The following PDE8B variants were observed in gnomAD, a reference collection of about 807,000 sequenced individuals.
PDE8B encodes phosphodiesterase 8B, also known as high affinity cAMP-specific and IBMX-insensitive 3',5'-cyclic phosphodiesterase 8B.
A neutral mutation model predicts 101.3 loss-of-function variants in PDE8B; 26 were observed. The observed-to-expected ratio is 0.26, with a 90% CI of 0.19 to 0.36. The LOEUF (loss-of-function observed/expected upper bound fraction) is 0.36, where lower values mean the gene tolerates loss of function less well. Among genes scored for constraint, PDE8B ranks in the 10% least tolerant of loss-of-function variants. The pLI, the probability that PDE8B is intolerant of heterozygous loss-of-function variation, is 1.00. For synonymous variants in PDE8B, 424 were observed against 429.3 expected (o/e 0.99, Z 0.15); for missense variants, 810 against 1,163.1 (o/e 0.70, Z 4.42).
the PDE8B span, among the ~76,000 whole-genome samples, chr5:77,185,133 A>T: frequency 6.6e-6 from 1 of 152,190 alleles, no homozygotes; most frequent in Admixed American, 6.5e-5. Context: ...AGTCACACAG[A>T]CCTCAACCTG....
chr5:77,099,855 C>A, the PDE8B span, among the ~76,000 whole-genome samples: 22,268 of 152,182 alleles, frequency 0.15, 1,776 homozygotes, highest in South Asian at 0.24. Flanking sequence ...GGTGATCCAC[C>A]TGCCTCAGCC....
chr5:77,367,363 G>A (rs1784334662), intron 10 of PDE8B, among the ~76,000 whole-genome samples: 1 of 152,106 alleles, frequency 6.6e-6, no homozygotes, highest in South Asian at 2.1e-4. Flanking sequence ...CAGCCAGTGA[G>A]TGTCGTCCCT....
intron 1 of PDE8B, among the ~76,000 whole-genome samples, chr5:77,231,056 A>G (rs1447239923): frequency 1.3e-5 from 2 of 152,226 alleles, no homozygotes; most frequent in Admixed American, 6.5e-5. Flanking sequence ...CTAGAATTAA[A>G]TGTGGGCCAG....
chr5:77,419,617 A>T (rs1309957537), intron 18 of PDE8B, 150 bp from the exon 19 acceptor site: 2 of 835,916 alleles, frequency 2.4e-6, no homozygotes, highest in African/African-American at 3.4e-5. Flanking sequence ...GCTTACTGGG[A>T]GGACGAGCTC....
At chr5:77,181,416 C>A in the PDE8B span, among the ~76,000 whole-genome samples, 1 of 152,142 alleles carries the variant, frequency 6.6e-6, no homozygotes, top group Non-Finnish European at 1.5e-5. Context: ...CACCTAGTTA[C>A]CAGGATCAAA....
the PDE8B span, among the ~76,000 whole-genome samples, chr5:77,196,784 A>G: frequency 6.6e-6 from 1 of 152,032 alleles, no homozygotes; most frequent in African/African-American, 2.4e-5. Flanking sequence ...TTCTTTATAT[A>G]TTTTGTAGAC....
Position 77,330,353 on chromosome 5 carries a change from A to C in PDE8B, c.651-1049A>C, listed in dbSNP as rs144437846. On this transcript the variant is annotated intron_variant, in intron 4 of 21. Coordinates refer to ENST00000264917, the MANE Select transcript of PDE8B (RefSeq NM_003719.5). ...AGTCCTTGACAAATAATGGTTGACT[A>C]TGGCTTATTTGTTATGATGTCACCG... Among the ~76,000 whole-genome samples, 28 of 152,314 alleles carry C rather than the reference A, an allele frequency of 1.8e-4. No homozygotes were observed. In the East Asian group the frequency reaches 5.0e-3, roughly 27 times the overall value.
chr5:77,375,750 C>A (rs576938162), intron 10 of PDE8B, among the ~76,000 whole-genome samples: 2 of 152,108 alleles, frequency 1.3e-5, no homozygotes, highest in African/African-American at 4.8e-5. Flanking sequence ...GCATTTTTAT[C>A]GTGTCTGGAA....
At chr5:77,099,646 C>T in the PDE8B span, among the ~76,000 whole-genome samples, 1 of 151,324 alleles carries the variant, frequency 6.6e-6, no homozygotes, top group Non-Finnish European at 1.5e-5. Context: ...GAGTCTTACT[C>T]TGTCACCCAG....
At chr5:77,337,056 C>T (rs1778327446) in intron 5 of PDE8B, among the ~76,000 whole-genome samples, 171 bp from the exon 6 acceptor site, 1 of 152,196 alleles carries the variant, frequency 6.6e-6, no homozygotes, top group Non-Finnish European at 1.5e-5. Flanking sequence ...GTTTCTCATA[C>T]ATTTAAACAA....
intron 1 of PDE8B, among the ~76,000 whole-genome samples, chr5:77,305,783 A>G (rs1467300450): frequency 6.6e-6 from 1 of 152,238 alleles, no homozygotes; most frequent in Non-Finnish European, 1.5e-5. Context: ...ATCAGAGCCA[A>G]CAGGGCAGCA....
intron 7 of PDE8B, 51 bp downstream of exon 7, chr5:77,344,982 GT>G (rs748589757): frequency 8.3e-7 from 1 of 1,202,912 alleles, no homozygotes; most frequent in South Asian, 1.2e-5. Flanking sequence ...AACCTTTCAG[GT>G]TTAAGCCACA....
At chr5:77,219,594 C>T (rs979588115) in intron 1 of PDE8B, among the ~76,000 whole-genome samples, 25 of 152,138 alleles carry the variant, frequency 1.6e-4, no homozygotes, top group African/African-American at 4.1e-4. Context: ...GAGCTTCAAA[C>T]GAGAGCAATG....
chr5:77,090,072 T>A, the PDE8B span, among the ~76,000 whole-genome samples: 1 of 152,168 alleles, frequency 6.6e-6, no homozygotes, highest in African/African-American at 2.4e-5. Flanking sequence ...CACACTCATA[T>A]GTGGGAGCTA....
At chr5:77,179,295 A>G in the PDE8B span, among the ~76,000 whole-genome samples, 20 of 152,210 alleles carry the variant, frequency 1.3e-4, no homozygotes, top group Non-Finnish European at 2.2e-4. Flanking sequence ...GCCATTAGAA[A>G]TCTCATCAGC....
chr5:77,200,390 A>G, the PDE8B span, among the ~76,000 whole-genome samples: 1 of 152,212 alleles, frequency 6.6e-6, no homozygotes, highest in Non-Finnish European at 1.5e-5. Context: ...TACTTCTACA[A>G]ATAAGCCTCT....
At chr5:77,117,668 A>G in the PDE8B span, among the ~76,000 whole-genome samples, 1 of 152,148 alleles carries the variant, frequency 6.6e-6, no homozygotes, top group African/African-American at 2.4e-5. Context: ...GATGATCTGG[A>G]AGATGTTTAT....
intron 17 of PDE8B, among the ~76,000 whole-genome samples, chr5:77,415,785 A>G (rs957535971): frequency 6.6e-6 from 1 of 152,214 alleles, no homozygotes; most frequent in African/African-American, 2.4e-5. Flanking sequence ...ACCCAATTCC[A>G]GGGAACTAGT....
At chr5:77,114,398 A>C in the PDE8B span, 1 of 152,230 alleles carries the variant, frequency 6.6e-6, no homozygotes, top group Non-Finnish European at 1.5e-5. Context: ...ATTCTCAGCA[A>C]ACTATCACAA....
Sources: gnomAD v4.1 joint callset for allele counts (sites outside exome capture counted in the v4.1 genomes callset) on GRCh38, gnomAD v4.1.1 for gene constraint, MANE v1.5 for transcripts, NCBI Gene and HGNC (gene_info 2026-07-23, HGNC 2026-07-21) for gene names.